RYK: variants seen among roughly 807,000 people sequenced by gnomAD.
RYK encodes inactive tyrosine-protein kinase RYK.
Under a neutral mutation model 70.2 loss-of-function variants are expected in RYK, and 21 were observed. The observed-to-expected ratio is 0.30, with a 90% CI of 0.21 to 0.43. RYK has a LOEUF of 0.43. RYK is among the 20% of genes least tolerant of loss of function. The pLI is 1.00. For missense variants in RYK, 604 were observed against 753.3 expected (o/e 0.80, Z 2.32); for synonymous variants, 267 against 278.0 (o/e 0.96, Z 0.39).
At chr3:134,162,213 C>T (rs528583280) in intron 13 of RYK, among the ~76,000 whole-genome samples, 1 of 150,420 alleles carries the variant, frequency 6.6e-6, no homozygotes, top group East Asian at 2.0e-4. Context: ...TTCTGAGGTA[C>T]TGGGGGTTAG....
intron 1 of RYK, among the ~76,000 whole-genome samples, chr3:134,240,256 G>A (rs976612078): frequency 1.3e-5 from 2 of 152,142 alleles, no homozygotes; most frequent in Non-Finnish European, 2.9e-5. Flanking sequence ...TAGAGGATAA[G>A]GAGAGTGAGG....
Position 134,159,488 on chromosome 3 carries a change from C to T in RYK, c.1576-115G>A, listed in dbSNP as rs556646302. 6.5e-5 allele frequency: 65 copies of T among 996,970 alleles called. No homozygotes were observed. In the East Asian group the frequency reaches 1.0e-3, roughly 16 times the overall value. 61.8% of individuals were successfully genotyped at this position (996,970 alleles called of 1,614,324 possible). The stretch of plus-strand genomic sequence containing the variant: ...CAGCTCAACTCATGCTTTGGAAAAG[C>T]GAAATGTTATTTACAAAAAAATGTC... On this transcript the variant is annotated intron_variant, in intron 13 of 14. Coordinates refer to ENST00000623711, the MANE Select transcript of RYK (RefSeq NM_002958.4).
intron 10 of RYK, among the ~76,000 whole-genome samples, chr3:134,182,382 A>C (rs1246851182): frequency 2.0e-5 from 3 of 152,204 alleles, no homozygotes; most frequent in Admixed American, 1.3e-4. Context: ...GTCAAAGACA[A>C]CAGTGATATT....
chr3:134,236,894 A>C (rs541410004), intron 1 of RYK, among the ~76,000 whole-genome samples: 8 of 152,298 alleles, frequency 5.3e-5, no homozygotes, highest in African/African-American at 1.7e-4. Context: ...GAATGCACAG[A>C]ATTTTTAAAT....
chr3:134,195,742 T>C (rs748988307), intron 6 of RYK, among the ~76,000 whole-genome samples: 8 of 151,926 alleles, frequency 5.3e-5, no homozygotes, highest in Non-Finnish European at 7.4e-5. Flanking sequence ...AGGTCAGGAG[T>C]TCGACACCAG....
intron 8 of RYK, 127 bp downstream of exon 8, chr3:134,191,722 C>G (rs1374121378): frequency 1.4e-6 from 1 of 698,318 alleles, no homozygotes; most frequent in Non-Finnish European, 2.2e-6. Flanking sequence ...AAAAGAAAAA[C>G]CATACACTGC....
At chr3:134,224,998 C>T (rs960265677) in intron 1 of RYK, among the ~76,000 whole-genome samples, 4 of 152,164 alleles carry the variant, frequency 2.6e-5, no homozygotes, top group African/African-American at 9.7e-5. Flanking sequence ...ACTGGAACAG[C>T]TTGTGCCTTC....
chr3:134,236,999 CTT>C (rs2015213934), intron 1 of RYK, among the ~76,000 whole-genome samples: 1 of 152,138 alleles, frequency 6.6e-6, no homozygotes, highest in South Asian at 2.1e-4. Flanking sequence ...ATGTTGCTCT[CTT>C]GTTAGAAAGC....
At position 134,199,652 on chromosome 3, in the gene RYK, T is replaced by C. The variant is rs1012882849; in HGVS notation, c.788+3078A>G. 5.3e-5 allele frequency among the ~76,000 whole-genome samples: 8 copies of C among 152,126 alleles called. 1 individual carries two copies. ...AGAGAGAGAAGCAGCAGATGTCTCT[T>C]AAATGCTGTTGGATAACTGGATGTG... On this transcript the variant is annotated intron_variant, in intron 6 of 14. Coordinates refer to ENST00000623711, the MANE Select transcript of RYK (RefSeq NM_002958.4).
intron 13 of RYK, among the ~76,000 whole-genome samples, chr3:134,161,084 A>G (rs2012455574): frequency 6.6e-6 from 1 of 152,232 alleles, no homozygotes; most frequent in African/African-American, 2.4e-5. Flanking sequence ...ATATATTAGT[A>G]ACAACTGAAC....
chr3:134,209,915 ATTAC>A (rs2014335792), intron 3 of RYK, 86 bp from the exon 4 acceptor site: 5 of 1,057,032 alleles, frequency 4.7e-6, no homozygotes, highest in Non-Finnish European at 6.7e-6. Context: ...ACATTTTAGA[ATTAC>A]TTATTTTTGC....
chr3:134,222,376 G>A (rs369306034), intron 2 of RYK, 42 bp downstream of exon 2: 10 of 1,610,252 alleles, frequency 6.2e-6, no homozygotes, highest in Admixed American at 3.3e-5. Flanking sequence ...CTCTGTGGCT[G>A]GGTGACCCTG....
chr3:134,230,565 G>A (rs1264792553), intron 1 of RYK, among the ~76,000 whole-genome samples: 1 of 152,234 alleles, frequency 6.6e-6, no homozygotes. Flanking sequence ...AACTACACAA[G>A]AGAGTATATA....
In RYK at chr3:134,159,275, A is replaced by T. The variant is rs2012366915; in HGVS notation, c.1674T>A (p.Gly558=). ...AGTTGATTGGCTGGGCTATTCGGTAACCATCTTTCAGGTATGCGGCCATCT... is the reference window on the plus strand; with the variant it reads ...AGTTGATTGGCTGGGCTATTCGGTATCCATCTTTCAGGTATGCGGCCATCT... ...PFEMAAYLKD[G]YRIAQPINCP... The change falls in exon 14 of 15, where the codon GGT becomes GGA. Residue 558 remains glycine, a synonymous_variant. Transcript: ENST00000623711. 6.2e-7 allele frequency: 1 copy of T among 1,613,810 alleles called. No individual in the cohort carries two copies. The highest frequency in any genetic ancestry group is 1.3e-5 in the African/African-American group (1 of 74,928).
intron 1 of RYK, among the ~76,000 whole-genome samples, chr3:134,235,610 G>A (rs963146545): frequency 2.0e-5 from 3 of 151,860 alleles, no homozygotes; most frequent in African/African-American, 7.3e-5. Flanking sequence ...AAAAGCAAAA[G>A]ACACATAAAG....
intron 13 of RYK, among the ~76,000 whole-genome samples, chr3:134,166,220 G>A (rs2012660673): frequency 6.6e-6 from 1 of 152,072 alleles, no homozygotes; most frequent in Non-Finnish European, 1.5e-5. Flanking sequence ...AATGGGATTG[G>A]TACTCTTATA....
chr3:134,189,628 C>G (rs931685507), intron 8 of RYK, among the ~76,000 whole-genome samples: 8 of 150,810 alleles, frequency 5.3e-5, no homozygotes, highest in African/African-American at 1.5e-4. Flanking sequence ...AAAAAATTAG[C>G]CGGGCGTGGG....
chr3:134,250,468 TG>T lies in RYK; in HGVS notation c.186del (p.Ser63AlafsTer2). The T allele has an allele frequency of 7.3e-7, 1 of 1,372,620 alleles. No individual in the cohort carries two copies. The highest frequency in any genetic ancestry group is 9.4e-7 in the Non-Finnish European group (1 of 1,058,228). The allele number at this position is 1,372,620 out of a possible 1,614,324, so 85.0% of individuals were successfully genotyped here. A position where few individuals can be genotyped will look rare whatever the true frequency, so the allele number is the denominator to read the frequency against. On this transcript the variant is annotated frameshift_variant, in exon 1 of 15. Coordinates refer to ENST00000623711, the MANE Select transcript of RYK (RefSeq NM_002958.4). LOFTEE classifies it high-confidence loss of function. ...PPELQSASAGPSVSLYLSEDE... is the reference protein window; with the variant it reads ...PPELQSASAGXSVSLYLSEDE... ...TCCTCGCTCAGGTAGAGACTCACGC[TG>T]GGCCCCGCGGAAGCCGACTGCAGCT... is the stretch of plus-strand genomic sequence containing the variant.
At position 134,209,861 on chromosome 3, in the gene RYK, A is replaced by C. The variant is rs2107678827; in HGVS notation, c.455-32T>G. ...AAAAAAGATAAGAAAAATATTTTAC[A>C]TTTTCTAAAAATCAACATTAATGCC... On this transcript the variant is annotated intron_variant, in intron 3 of 14. Transcript: ENST00000623711. 4 of 1,410,556 alleles carry C rather than the reference A, an allele frequency of 2.8e-6. No homozygotes were observed. In the South Asian group the frequency reaches 4.6e-5, roughly 16 times the overall value. The allele number at this position is 1,410,556 out of a possible 1,614,324, so 87.4% of individuals were successfully genotyped here.
Sources: gnomAD v4.1 joint callset for allele counts (sites outside exome capture counted in the v4.1 genomes callset) on GRCh38, gnomAD v4.1.1 for gene constraint, MANE v1.5 for transcripts, NCBI Gene and HGNC (gene_info 2026-07-23, HGNC 2026-07-21) for gene names.